Variants in POMP observed in about 807,000 individuals in gnomAD.
POMP encodes the protein proteasome maturation protein, also known as 2510048O06Rik.
Under a neutral mutation model 20.6 loss-of-function variants are expected in POMP, and 12 were observed. The observed-to-expected ratio is 0.58, with a 90% CI of 0.37 to 0.94. The LOEUF is 0.94. Among genes scored for constraint, POMP ranks in the 40% least tolerant of loss-of-function variants. POMP has a pLI of 0.01. For synonymous variants in POMP, 53 were observed against 55.0 expected, an observed-to-expected ratio of 0.96 and a Z score of 0.16; for missense variants, 136 against 161.1, an observed-to-expected ratio of 0.84 and a Z score of 0.84.
chr13:28,669,854 C>G (rs1410782562), intron 4 of POMP, among the ~76,000 whole-genome samples: 1 of 152,088 alleles, frequency 6.6e-6, no homozygotes, highest in African/African-American at 2.4e-5. Context: ...ACCTGTAATC[C>G]CAGCACTTTG....
intron 4 of POMP, among the ~76,000 whole-genome samples, chr13:28,671,122 C>G (rs2480481): frequency 6.6e-6 from 1 of 152,200 alleles, no homozygotes; most frequent in African/African-American, 2.4e-5. Flanking sequence ...GGAAGCTACT[C>G]GTTTTCCAAA....
intron 3 of POMP, among the ~76,000 whole-genome samples, chr13:28,666,019 A>G (rs2137793122): frequency 6.6e-6 from 1 of 152,346 alleles, no homozygotes; most frequent in East Asian, 1.9e-4. Context: ...GTGGGCAACC[A>G]AAGAAAGAAT....
At chr13:28,670,104 C>T (rs7321317) in intron 4 of POMP, among the ~76,000 whole-genome samples, 5,485 of 152,086 alleles carry the variant, frequency 0.036, 313 homozygotes, top group African/African-American at 0.12. Context: ...AATGAGACTC[C>T]GTCTCAAAAA....
At chr13:28,663,832 A>T (rs1281783342) in intron 2 of POMP, among the ~76,000 whole-genome samples, 1 of 152,126 alleles carries the variant, frequency 6.6e-6, no homozygotes, top group African/African-American at 2.4e-5. Context: ...CTTCTTCCTG[A>T]TTGGACTGGG....
rs1264739920 is a variant in POMP, at chr13:28,678,541, G to A, written c.*439G>A. Reference sequence around the variant, plus strand: ...ATTGATTACAATATGAGATATATCAGTGTCGTCCATTAACACTCATAAGAA... The same window carrying A: ...ATTGATTACAATATGAGATATATCAATGTCGTCCATTAACACTCATAAGAA... On this transcript the variant is annotated 3_prime_UTR_variant, in exon 6 of 6. Coordinates refer to ENST00000380842, the MANE Select transcript of POMP (RefSeq NM_015932.6). The A allele has an allele frequency of 1.6e-5, 3 of 182,372 alleles. No homozygotes were observed. The Admixed American group carries it at 1.7e-4, about 10-fold the overall frequency. 11.3% of individuals were successfully genotyped at this position (182,372 alleles called of 1,614,324 possible). A position where few individuals can be genotyped will look rare whatever the true frequency, so the allele number is the denominator to read the frequency against.
intron 2 of POMP, among the ~76,000 whole-genome samples, chr13:28,663,755 T>A (rs1884390596): frequency 6.6e-6 from 1 of 152,238 alleles, no homozygotes; most frequent in Non-Finnish European, 1.5e-5. Flanking sequence ...ATATTTATAA[T>A]CAAGTTGATT....
intron 4 of POMP, among the ~76,000 whole-genome samples, chr13:28,670,136 C>T (rs1300194873): frequency 2.0e-5 from 3 of 152,090 alleles, no homozygotes; most frequent in Admixed American, 2.0e-4. Flanking sequence ...TGATGACCCC[C>T]AAGTTACAAT....
intron 5 of POMP, 123 bp from the exon 6 acceptor site, chr13:28,677,912 A>T: frequency 1.0e-6 from 1 of 966,412 alleles, no homozygotes; most frequent in Non-Finnish European, 1.6e-6. Context: ...CCAGGCAATC[A>T]CTGGTTTGTT....
chr13:28,677,917 T>G, intron 5 of POMP, 118 bp from the exon 6 acceptor site: 1 of 1,037,544 alleles, frequency 9.6e-7, no homozygotes, highest in Non-Finnish European at 1.5e-6. Context: ...CAATCACTGG[T>G]TTGTTTTCTA....
At chr13:28,662,092 T>C (rs188417201) in intron 1 of POMP, among the ~76,000 whole-genome samples, 1 of 152,364 alleles carries the variant, frequency 6.6e-6, no homozygotes, top group African/African-American at 2.4e-5. Context: ...TAGCCAGTTA[T>C]CTCAAACTAC....
At chr13:28,675,822 G>A (rs905149740) in intron 5 of POMP, among the ~76,000 whole-genome samples, 1 of 152,158 alleles carries the variant, frequency 6.6e-6, no homozygotes, top group Non-Finnish European at 1.5e-5. Context: ...AAGACAAAGG[G>A]GGGCCAGTGA....
Position 28,672,339 on chromosome 13 carries a change from G to T in POMP, c.265G>T (p.Val89Phe). ...LQMEFKAVQQ[V>F]QRLPFLSSSN... ...TGTCCCTTCATACTTTTCCCCAAAGGTTCAGCGTCTTCCATTTCTTTCAAG... is the reference window on the plus strand; with the variant it reads ...TGTCCCTTCATACTTTTCCCCAAAGTTTCAGCGTCTTCCATTTCTTTCAAG... Residue 89 changes from valine (V) to phenylalanine (F), a missense_variant and splice_region_variant, in exon 5 of 6, where the codon GTT (valine) becomes TTT (phenylalanine). Coordinates refer to ENST00000380842, the MANE Select transcript of POMP (RefSeq NM_015932.6). 6.2e-7 allele frequency: 1 copy of T among 1,601,824 alleles called. No individual in the cohort carries two copies. Among genetic ancestry groups the T allele is most frequent in the Non-Finnish European group, 8.6e-7 (1 of 1,169,022 alleles).
Position 28,662,527 on chromosome 13 carries a change from C to T in POMP, c.101+20C>T, listed in dbSNP as rs1450040151. The T allele has an allele frequency of 6.4e-7, 1 of 1,554,616 alleles. No individual in the cohort carries two copies. The highest frequency in any genetic ancestry group is 2.2e-5 in the East Asian group (1 of 44,552). ...GAAAGGGTATATGGGGGAGTTATGACTTTGATTTTGTTATGTTTCTGTGAA... is the reference window on the plus strand; with the variant it reads ...GAAAGGGTATATGGGGGAGTTATGATTTTGATTTTGTTATGTTTCTGTGAA... On this transcript the variant is annotated intron_variant, in intron 2 of 5. Coordinates refer to ENST00000380842, the MANE Select transcript of POMP (RefSeq NM_015932.6).
chr13:28,674,075 A>C (rs1256018317), intron 5 of POMP, among the ~76,000 whole-genome samples: 1 of 152,244 alleles, frequency 6.6e-6, no homozygotes, highest in East Asian at 1.9e-4. Flanking sequence ...TTCAGACAGA[A>C]GAGATGAGTA....
intron 5 of POMP, among the ~76,000 whole-genome samples, chr13:28,676,144 A>G (rs562899873): frequency 6.6e-6 from 1 of 152,194 alleles, no homozygotes; most frequent in East Asian, 1.9e-4. Context: ...AGCTGGGACT[A>G]CAGGCGCCCA....
Position 28,664,439 on chromosome 13 carries a change from T to C in POMP, c.102-70T>C, listed in dbSNP as rs3737528. On this transcript the variant is annotated intron_variant, in intron 2 of 5. Transcript: ENST00000380842. ...CTCTCATGCCATCCCTTTATAGATA[T>C]GATTTTGAGCTCTGGGTATTGAGTG... The C allele has an allele frequency of 0.37, 395,115 of 1,054,584 alleles. 76,994 individuals carry two copies. The highest frequency in any genetic ancestry group is 0.53 in the Admixed American group (25,021 of 47,366). The allele number at this position is 1,054,584 out of a possible 1,614,324, so 65.3% of individuals were successfully genotyped here.
At chr13:28,662,108 G>A (rs1884353794) in intron 1 of POMP, among the ~76,000 whole-genome samples, 1 of 152,138 alleles carries the variant, frequency 6.6e-6, no homozygotes, top group Non-Finnish European at 1.5e-5. Flanking sequence ...ACTACCTGAA[G>A]CTTGTTCATT....
chr13:28,659,278 T>C (rs1390728877), intron 1 of POMP, 91 bp downstream of exon 1: 11 of 1,530,282 alleles, frequency 7.2e-6, no homozygotes, highest in African/African-American at 1.4e-5. Flanking sequence ...CCGTCCCCGG[T>C]GGCGGCGGCG....
In POMP at chr13:28,663,373, C is replaced by T. The variant is rs576093317; in HGVS notation, c.101+866C>T. On this transcript the variant is annotated intron_variant, in intron 2 of 5. Transcript: ENST00000380842. The stretch of plus-strand genomic sequence containing the variant: ...TTGCCCAGGCTGGAGTGCAATGGCG[C>T]GATCTCCCCTCATCGCAGCCTCCGC... 7.2e-5 allele frequency among the ~76,000 whole-genome samples: 11 copies of T among 152,224 alleles called. No homozygotes were observed. The South Asian group carries it at 2.3e-3, about 32-fold the overall frequency.
Sources: gnomAD v4.1 joint callset for allele counts (sites outside exome capture counted in the v4.1 genomes callset) on GRCh38, gnomAD v4.1.1 for gene constraint, MANE v1.5 for transcripts, NCBI Gene and HGNC (gene_info 2026-07-23, HGNC 2026-07-21) for gene names.